The following SCN11A variants were observed in gnomAD, a reference collection of about 807,000 sequenced individuals.
SCN11A encodes sodium voltage-gated channel alpha subunit 11.
Under a neutral mutation model 162.2 loss-of-function variants are expected in SCN11A, and 122 were observed. That is an observed-to-expected ratio of 0.75 (90% CI 0.65 to 0.87). The LOEUF is 0.87. Among genes scored for constraint, SCN11A ranks in the 40% least tolerant of loss-of-function variants. SCN11A has a pLI of 0.00. For missense variants in SCN11A, 2,015 were observed against 2,181.6 expected, an observed-to-expected ratio of 0.92 and a Z score of 1.52; for synonymous variants, 758 against 751.5, an observed-to-expected ratio of 1.01 and a Z score of -0.14.
chr3:39,025,534 C>T (rs2031567145), intron 2 of SCN11A, among the ~76,000 whole-genome samples: 1 of 151,974 alleles, frequency 6.6e-6, no homozygotes, highest in Non-Finnish European at 1.5e-5. Flanking sequence ...AAGGGTTCCT[C>T]CCTGTTTTAG....
intron 27 of SCN11A, among the ~76,000 whole-genome samples, chr3:38,864,477 T>C (rs2065012015): frequency 6.6e-6 from 1 of 152,168 alleles, no homozygotes; most frequent in Non-Finnish European, 1.5e-5. Context: ...AAATTTTAAA[T>C]TCTATCATCT....
chr3:38,882,904 A>G (rs781193822), intron 22 of SCN11A, among the ~76,000 whole-genome samples: 9 of 152,202 alleles, frequency 5.9e-5, no homozygotes, highest in Non-Finnish European at 1.2e-4. Context: ...ACTGCTGTCT[A>G]GAGGAAGAAC....
intron 3 of SCN11A, among the ~76,000 whole-genome samples, chr3:38,959,207 T>A (rs2066716821): frequency 6.6e-6 from 1 of 152,182 alleles, no homozygotes; most frequent in African/African-American, 2.4e-5. Flanking sequence ...CTTTCAGAAT[T>A]TCCCCCAGAA....
intron 2 of SCN11A, chr3:39,025,906 T>G (rs2031575300): frequency 6.6e-6 from 1 of 152,194 alleles, no homozygotes; most frequent in African/African-American, 2.4e-5. Context: ...TCTATTGCTA[T>G]TATTTCTTTC....
rs549160448 is a variant in SCN11A at position 39,019,483 on chromosome 3, A to G, written c.-280+12897T>C. Among the ~76,000 whole-genome samples the G allele has an allele frequency of 7.2e-5, 11 of 152,318 alleles. No homozygotes were observed. In the East Asian group the frequency reaches 1.7e-3, roughly 24 times the overall value. The stretch of plus-strand genomic sequence containing the variant: ...GTGTGACGTGGCCGGCCTCACATCA[A>G]TTAAACTCTTTCTTTACTGCAATGC... On this transcript the variant is annotated intron_variant, in intron 2 of 29. Coordinates refer to ENST00000302328, the MANE Select transcript of SCN11A (RefSeq NM_001349253.2).
At chr3:39,002,377 TAA>T (rs1330429437) in intron 2 of SCN11A, among the ~76,000 whole-genome samples, 5 of 152,176 alleles carry the variant, frequency 3.3e-5, no homozygotes, top group African/African-American at 1.2e-4. Context: ...GTTTGTGAAG[TAA>T]AAAGAGCTGA....
rs2065396859 is a variant in SCN11A at position 38,886,195 on chromosome 3, C to T, written c.2879G>A (p.Arg960Lys). ...HQENKKPTSQRVQSVEIDMFS... is the reference protein window; with the variant it reads ...HQENKKPTSQKVQSVEIDMFS... ...CATGTCAATTTCCACACTTTGAACT[C>T]TCTGGCTCGTGGGCTTCTTGTTCTC... The change falls in exon 20 of 30, where the codon AGA becomes AAA. Residue 960 changes from arginine (R) to lysine (K), a missense_variant. Transcript: ENST00000302328. 1 of 1,613,042 alleles carries T rather than the reference C, an allele frequency of 6.2e-7. No individual in the cohort carries two copies. The highest frequency in any genetic ancestry group is 2.2e-5 in the East Asian group (1 of 44,882).
At chr3:38,898,231 C>G (rs2065639285) in intron 17 of SCN11A, among the ~76,000 whole-genome samples, 1 of 152,186 alleles carries the variant, frequency 6.6e-6, no homozygotes, top group African/African-American at 2.4e-5. Flanking sequence ...GAGCCAAACT[C>G]TGTCTCAAAA....
In SCN11A at chr3:38,900,195, A is replaced by AGT. The variant is rs1377956981; in HGVS notation, c.1843-123_1843-122insAC. 113 of 719,170 alleles carry AGT rather than the reference A, an allele frequency of 1.6e-4. No homozygotes were observed. In the East Asian group the frequency reaches 1.8e-3, roughly 12 times the overall value. 44.5% of individuals were successfully genotyped at this position (719,170 alleles called of 1,614,324 possible). A position where few individuals can be genotyped will look rare whatever the true frequency, so the allele number is the denominator to read the frequency against. On this transcript the variant is annotated intron_variant, in intron 16 of 29. Transcript: ENST00000302328. The stretch of plus-strand genomic sequence containing the variant: ...AGTATTCTCATGATTGACACACTAT[A>AGT]CCCTAAAGTCCATGCAATAGAAATA...
At chr3:38,938,844 G>A (rs536005527) in intron 7 of SCN11A, among the ~76,000 whole-genome samples, 2 of 151,468 alleles carry the variant, frequency 1.3e-5, no homozygotes, top group Admixed American at 6.6e-5. Context: ...GATTACAGGC[G>A]GTGAGCCACG....
rs2064683504 is a variant in SCN11A at position 38,847,137 on chromosome 3, C to G, written c.4933G>C (p.Ala1645Pro). The change falls in exon 30 of 30, where the codon GCC becomes CCC. Residue 1645 changes from alanine (A) to proline (P), a missense_variant. Physicochemically the swap from Ala to Pro is conservative, Grantham distance 27 (BLOSUM62 -1). Transcript: ENST00000302328. ...PEATQFIKYS[A>P]LSDFADALPE... ...AAGGCATCAGCAAAGTCAGAAAGGGCAGAATATTTGATAAATTGTGTTGCT... is the reference window on the plus strand; with the variant it reads ...AAGGCATCAGCAAAGTCAGAAAGGGGAGAATATTTGATAAATTGTGTTGCT... The G allele has an allele frequency of 9.9e-6, 16 of 1,614,190 alleles. No homozygotes were observed. Among genetic ancestry groups the G allele is most frequent in the Non-Finnish European group, 1.3e-5 (15 of 1,180,040 alleles).
chr3:38,849,256 C>CTTTTT (rs1559484396), intron 29 of SCN11A: 1 of 72,934 alleles, frequency 1.4e-5, no homozygotes, highest in African/African-American at 8.2e-5. Context: ...ATTTTCTAGC[C>CTTTTT]CTTTTTTTTT....
intron 9 of SCN11A, among the ~76,000 whole-genome samples, chr3:38,923,042 G>T (rs1446178602): frequency 6.6e-6 from 1 of 152,104 alleles, no homozygotes; most frequent in Non-Finnish European, 1.5e-5. Context: ...AAAAGGGTGT[G>T]CTATAATAAC....
intron 28 of SCN11A, among the ~76,000 whole-genome samples, chr3:38,851,314 T>TAA (rs1461404709): frequency 2.0e-5 from 3 of 152,270 alleles, no homozygotes; most frequent in Admixed American, 2.0e-4. Context: ...CACTTGAAGA[T>TAA]AAAGCTAATA....
chr3:38,981,187 C>T (rs1311629492), intron 2 of SCN11A, among the ~76,000 whole-genome samples: 1 of 152,140 alleles, frequency 6.6e-6, no homozygotes, highest in Non-Finnish European at 1.5e-5. Context: ...GGTTTTCTTC[C>T]TTATCTTCCT....
At chr3:39,024,819 A>C (rs995807775) in intron 2 of SCN11A, among the ~76,000 whole-genome samples, 2 of 152,156 alleles carry the variant, frequency 1.3e-5, no homozygotes, top group African/African-American at 4.8e-5. Flanking sequence ...TTAGCATTAG[A>C]TCATACCCTT....
At chr3:38,929,028 G>C (rs920503827) in intron 7 of SCN11A, among the ~76,000 whole-genome samples, 1 of 152,074 alleles carries the variant, frequency 6.6e-6, no homozygotes, top group African/African-American at 2.4e-5. Context: ...AGAGGTGGAA[G>C]CAACCCAAAT....
chr3:38,981,241 C>A (rs1055454430), intron 2 of SCN11A, among the ~76,000 whole-genome samples: 24 of 152,176 alleles, frequency 1.6e-4, no homozygotes, highest in African/African-American at 5.1e-4. Context: ...GTTTAACAAG[C>A]CTTCTCTGAG....
chr3:38,910,967 T>C (rs180815914), intron 11 of SCN11A, among the ~76,000 whole-genome samples: 1 of 152,284 alleles, frequency 6.6e-6, no homozygotes, highest in East Asian at 1.9e-4. Flanking sequence ...GGCTTAAAAA[T>C]TACATGCACC....
Sources: gnomAD v4.1 joint callset for allele counts (sites outside exome capture counted in the v4.1 genomes callset) on GRCh38, gnomAD v4.1.1 for gene constraint, MANE v1.5 for transcripts, NCBI Gene and HGNC (gene_info 2026-07-23, HGNC 2026-07-21) for gene names.